The following CNTNAP2 variants were observed in gnomAD, a reference collection of about 807,000 sequenced individuals.
CNTNAP2 encodes contactin-associated protein-like 2.
Under a neutral mutation model 155.2 loss-of-function variants are expected in CNTNAP2, and 98 were observed. The observed-to-expected ratio is 0.63, with a 90% confidence interval of 0.54 to 0.75. CNTNAP2 has a LOEUF of 0.75. Ranked by LOEUF, CNTNAP2 falls within the 30% of genes least tolerant of loss-of-function variation. The probability of loss-of-function intolerance (pLI) is 0.00; values close to 1 mark genes in which losing one functional copy is unlikely to be tolerated. For missense variants in CNTNAP2, 1,727 were observed against 1,688.1 expected (o/e 1.02, Z -0.40); for synonymous variants, 651 against 631.2 (o/e 1.03, Z -0.47).
At chr7:146,415,983 T>C (rs1415717355) in intron 1 of CNTNAP2, among the ~76,000 whole-genome samples, 1 of 152,050 alleles carries the variant, frequency 6.6e-6, no homozygotes, top group Admixed American at 6.6e-5. Context: ...CATTTTGTGA[T>C]AGTTTATAAA....
chr7:146,308,462 G>A (rs887390036), intron 1 of CNTNAP2, among the ~76,000 whole-genome samples: 1 of 152,124 alleles, frequency 6.6e-6, no homozygotes, highest in African/African-American at 2.4e-5. Flanking sequence ...ATTTGACCCA[G>A]CCATCCCATT....
chr7:146,484,150 C>T (rs963349242), intron 1 of CNTNAP2, among the ~76,000 whole-genome samples: 4 of 152,118 alleles, frequency 2.6e-5, no homozygotes, highest in African/African-American at 9.7e-5. Context: ...ACATGCTGTA[C>T]AAGTTTGTTA....
At chr7:146,163,677 C>T (rs1248282519) in intron 1 of CNTNAP2, among the ~76,000 whole-genome samples, 2 of 147,190 alleles carry the variant, frequency 1.4e-5, no homozygotes, top group South Asian at 2.1e-4. Context: ...GAACTGGGGA[C>T]GGGGAGGTAG....
At chr7:146,830,848 A>G (rs975128527) in intron 2 of CNTNAP2, among the ~76,000 whole-genome samples, 16 of 152,220 alleles carry the variant, frequency 1.1e-4, no homozygotes, top group South Asian at 2.1e-4. Context: ...AAATGACAGT[A>G]TACAGGATGA....
At chr7:147,837,594 G>C (rs989589550) in intron 13 of CNTNAP2, among the ~76,000 whole-genome samples, 1 of 152,114 alleles carries the variant, frequency 6.6e-6, no homozygotes, top group Non-Finnish European at 1.5e-5. Flanking sequence ...TCTTATCTGA[G>C]ACAATATAAG....
At chr7:147,694,501 A>C (rs989514305) in intron 13 of CNTNAP2, among the ~76,000 whole-genome samples, 1 of 152,130 alleles carries the variant, frequency 6.6e-6, no homozygotes, top group South Asian at 2.1e-4. Context: ...AAGGTTATTA[A>C]TTATTGATTC....
At chr7:147,922,492 G>A (rs1462912744) in intron 14 of CNTNAP2, among the ~76,000 whole-genome samples, 1 of 152,216 alleles carries the variant, frequency 6.6e-6, no homozygotes, top group Non-Finnish European at 1.5e-5. Context: ...TTCCAGGACT[G>A]CTCACTGTGT....
chr7:147,450,368 T>A (rs1225090145), intron 10 of CNTNAP2, among the ~76,000 whole-genome samples: 2 of 152,128 alleles, frequency 1.3e-5, no homozygotes, highest in Non-Finnish European at 2.9e-5. Flanking sequence ...AGAACTGAAT[T>A]TTTCCAGCAA....
At chr7:147,475,796 T>A (rs1038449861) in intron 10 of CNTNAP2, among the ~76,000 whole-genome samples, 1 of 152,212 alleles carries the variant, frequency 6.6e-6, no homozygotes, top group African/African-American at 2.4e-5. Context: ...GGAATTTATT[T>A]TGGCAAAGGA....
chr7:146,974,970 T>C (rs905857406), intron 3 of CNTNAP2, among the ~76,000 whole-genome samples: 1 of 152,086 alleles, frequency 6.6e-6, no homozygotes, highest in African/African-American at 2.4e-5. Flanking sequence ...AGACTCTATC[T>C]AAAAAAACAA....
chr7:146,465,544 C>G (rs1255625502), intron 1 of CNTNAP2, among the ~76,000 whole-genome samples: 1 of 152,026 alleles, frequency 6.6e-6, no homozygotes, highest in Non-Finnish European at 1.5e-5. Flanking sequence ...TGGGCTGTTC[C>G]CTAGTCTGTT....
intron 9 of CNTNAP2, among the ~76,000 whole-genome samples, chr7:147,326,214 G>C (rs1160321136): frequency 6.6e-6 from 1 of 152,210 alleles, no homozygotes; most frequent in Non-Finnish European, 1.5e-5. Flanking sequence ...GTTAGCCACT[G>C]CGCCTGGACA....
intron 9 of CNTNAP2, among the ~76,000 whole-genome samples, chr7:147,371,561 T>C (rs1026915385): frequency 6.6e-6 from 1 of 152,186 alleles, no homozygotes; most frequent in Non-Finnish European, 1.5e-5. Context: ...TTCTCCACTT[T>C]CATATGCCTT....
At chr7:148,140,254 T>G (rs773625985) in intron 16 of CNTNAP2, among the ~76,000 whole-genome samples, 1 of 152,120 alleles carries the variant, frequency 6.6e-6, no homozygotes, top group Non-Finnish European at 1.5e-5. Flanking sequence ...AGCCTCCATG[T>G]TCAGAGTCTT....
At chr7:146,570,410 T>C (rs1284768877) in intron 1 of CNTNAP2, among the ~76,000 whole-genome samples, 1 of 152,176 alleles carries the variant, frequency 6.6e-6, no homozygotes. Context: ...TAATCTGGTA[T>C]CAAATAATTG....
At position 146,461,131 on chromosome 7, in the gene CNTNAP2, C is replaced by T. The variant is rs190967870; in HGVS notation, c.98-313140C>T. Among the ~76,000 whole-genome samples, 1,224 of 151,928 alleles carry T rather than the reference C, an allele frequency of 8.1e-3. 12 individuals are homozygous for T. Among genetic ancestry groups the T allele is most frequent in the Non-Finnish European group, 0.011 (768 of 67,934 alleles). On this transcript the variant is annotated intron_variant, in intron 1 of 23. Transcript: ENST00000361727. Reference sequence around the variant, plus strand: ...AATAATACCTTAATAAGGCTGGGCGCGGTGGCTCACACCTGTAATCCCAGC... The same window carrying T: ...AATAATACCTTAATAAGGCTGGGCGTGGTGGCTCACACCTGTAATCCCAGC...
At chr7:147,112,598 C>T (rs1476104917) in intron 5 of CNTNAP2, among the ~76,000 whole-genome samples, 1 of 152,062 alleles carries the variant, frequency 6.6e-6, no homozygotes, top group African/African-American at 2.4e-5. Flanking sequence ...GAATTTTATT[C>T]AAGAACTTTT....
intron 13 of CNTNAP2, among the ~76,000 whole-genome samples, chr7:147,776,392 G>C (rs999259195): frequency 6.6e-6 from 1 of 151,872 alleles, no homozygotes; most frequent in Non-Finnish European, 1.5e-5. Flanking sequence ...AAAAGAAACT[G>C]TAAATGCACA....
intron 18 of CNTNAP2, among the ~76,000 whole-genome samples, chr7:148,201,349 C>T (rs553591016): frequency 1.1e-4 from 17 of 152,296 alleles, no homozygotes; most frequent in Non-Finnish European, 2.5e-4. Flanking sequence ...TGTGAGAGTT[C>T]GCTTTAGCTT....
Sources: gnomAD v4.1 joint callset for allele counts (sites outside exome capture counted in the v4.1 genomes callset) on GRCh38, gnomAD v4.1.1 for gene constraint, MANE v1.5 for transcripts, NCBI Gene and HGNC (gene_info 2026-07-23, HGNC 2026-07-21) for gene names.